Variants in SLC41A2 observed in about 807,000 individuals in gnomAD.
The protein encoded by SLC41A2 is solute carrier family 41 member 2, also known as SLC41A1-like 1.
In SLC41A2, 32 loss-of-function variants were observed where a neutral mutation model predicts 58.3. The observed-to-expected ratio is 0.55, with a 90% CI of 0.41 to 0.74. The LOEUF is 0.74. SLC41A2 is among the 30% of genes least tolerant of loss of function. The probability of loss-of-function intolerance (pLI) is 0.00; values close to 1 mark genes in which losing one functional copy is unlikely to be tolerated. For missense variants in SLC41A2, 514 were observed against 680.6 expected, an observed-to-expected ratio of 0.76 and a Z score of 2.72; for synonymous variants, 190 against 235.0, an observed-to-expected ratio of 0.81 and a Z score of 1.75.
chr12:104,922,136 T>C (rs1414886175), intron 2 of SLC41A2, among the ~76,000 whole-genome samples: 1 of 151,548 alleles, frequency 6.6e-6, no homozygotes, highest in African/African-American at 2.4e-5. Flanking sequence ...AGGCAGAAAA[T>C]AAGCAACAAA....
chr12:104,880,637 G>A (rs1040244197), intron 6 of SLC41A2, among the ~76,000 whole-genome samples: 1 of 152,160 alleles, frequency 6.6e-6, no homozygotes, highest in African/African-American at 2.4e-5. Context: ...TGCATATGTT[G>A]AACCAGCCTT....
intron 4 of SLC41A2, among the ~76,000 whole-genome samples, chr12:104,892,831 A>G (rs2045083131): frequency 6.6e-6 from 1 of 152,182 alleles, no homozygotes; most frequent in South Asian, 2.1e-4. Context: ...CCTATCTCTC[A>G]CCATCTACAA....
chr12:104,913,807 C>T (rs2046191277), intron 2 of SLC41A2, among the ~76,000 whole-genome samples: 1 of 152,180 alleles, frequency 6.6e-6, no homozygotes, highest in Admixed American at 6.5e-5. Flanking sequence ...GGCAGCGGCT[C>T]ACGCCTGTAA....
chr12:104,867,256 T>G (rs936236882), intron 6 of SLC41A2, among the ~76,000 whole-genome samples: 5 of 152,134 alleles, frequency 3.3e-5, no homozygotes, highest in South Asian at 2.1e-4. Context: ...AAAAGTTGCA[T>G]ATCCCTTACT....
intron 1 of SLC41A2, among the ~76,000 whole-genome samples, chr12:104,931,980 G>A (rs2047070167): frequency 6.6e-6 from 1 of 152,192 alleles, no homozygotes; most frequent in Admixed American, 6.5e-5. Context: ...TTTTGTGTGT[G>A]TGTGTTTTTA....
At chr12:104,843,347 G>A (rs1325967659) in intron 10 of SLC41A2, among the ~76,000 whole-genome samples, 1 of 151,734 alleles carries the variant, frequency 6.6e-6, no homozygotes, top group Non-Finnish European at 1.5e-5. Flanking sequence ...TTATTCGATA[G>A]GTGACTTTTA....
At chr12:104,834,076 T>C in intron 10 of SLC41A2, 2 of 985,384 alleles carry the variant, frequency 2.0e-6, no homozygotes, top group South Asian at 4.7e-5. Context: ...AAAGAGCTCT[T>C]TCCCAATGCC....
rs544329617 is a variant in SLC41A2, at chr12:104,932,624, C to CAAAAAAA, written c.-167-3937_-167-3931dup. Among the ~76,000 whole-genome samples the CAAAAAAA allele has an allele frequency of 2.9e-3, 134 of 46,016 alleles. 3 individuals carry two copies. The highest frequency in any genetic ancestry group is 0.011 in the African/African-American group (128 of 11,568). The allele number at this position is 46,016 out of a possible 152,430, so 30.2% of individuals were successfully genotyped here. The stretch of plus-strand genomic sequence containing the variant: ...TGGGTGACGCAGTGAGACTTTGTCT[C>CAAAAAAA]AAAAAAAAAAAAAAAAAAAAAAGAT... On this transcript the variant is annotated intron_variant, in intron 1 of 10. Transcript: ENST00000258538.
chr12:104,903,644 C>A (rs2045668190), intron 3 of SLC41A2, among the ~76,000 whole-genome samples: 1 of 152,214 alleles, frequency 6.6e-6, no homozygotes, highest in African/African-American at 2.4e-5. Context: ...AACAGTCCTG[C>A]CTCTGGCCCT....
chr12:104,862,862 G>C (rs1218268392), intron 7 of SLC41A2, among the ~76,000 whole-genome samples: 1 of 151,768 alleles, frequency 6.6e-6, no homozygotes, highest in East Asian at 1.9e-4. Context: ...ATTAACTTAT[G>C]CATTACTTCA....
chr12:104,806,917 T>C (rs1032543965), intron 10 of SLC41A2, among the ~76,000 whole-genome samples: 7 of 152,316 alleles, frequency 4.6e-5, no homozygotes, highest in Middle Eastern at 3.4e-3. Context: ...GGGTTGTTTG[T>C]TTTTTTCTTG....
At chr12:104,943,240 T>A (rs1485869381) in intron 1 of SLC41A2, among the ~76,000 whole-genome samples, 2 of 152,038 alleles carry the variant, frequency 1.3e-5, no homozygotes, top group African/African-American at 4.8e-5. Flanking sequence ...AACAAAATTA[T>A]CTTTTTAAGA....
intron 2 of SLC41A2, among the ~76,000 whole-genome samples, chr12:104,926,967 C>A (rs546005463): frequency 6.6e-6 from 1 of 151,948 alleles, no homozygotes; most frequent in African/African-American, 2.4e-5. Flanking sequence ...GCCTGTAGTA[C>A]CAGCCACTCA....
intron 1 of SLC41A2, among the ~76,000 whole-genome samples, chr12:104,949,711 G>C (rs192378294): frequency 1.3e-5 from 2 of 152,176 alleles, no homozygotes; most frequent in Non-Finnish European, 2.9e-5. Context: ...AGCCTCCTGA[G>C]TAGCTGGGAT....
At chr12:104,858,199 C>T (rs1036320753) in intron 8 of SLC41A2, among the ~76,000 whole-genome samples, 12 of 151,940 alleles carry the variant, frequency 7.9e-5, no homozygotes, top group Admixed American at 5.9e-4. Context: ...TTCTGAAAGA[C>T]ATTAATAAAT....
intron 10 of SLC41A2, among the ~76,000 whole-genome samples, chr12:104,809,582 TG>T: frequency 6.6e-6 from 1 of 152,182 alleles, no homozygotes. Flanking sequence ...TAGGACAATG[TG>T]TTTTGGGTAT....
At chr12:104,851,636 C>T (rs1592995069) in intron 8 of SLC41A2, among the ~76,000 whole-genome samples, 1 of 152,124 alleles carries the variant, frequency 6.6e-6, no homozygotes, top group African/African-American at 2.4e-5. Flanking sequence ...AATCCTCCTG[C>T]CTAGGCCTCC....
intron 10 of SLC41A2, among the ~76,000 whole-genome samples, chr12:104,825,781 T>C (rs1324478941): frequency 6.6e-6 from 1 of 152,060 alleles, no homozygotes. Context: ...ATAGGCACAA[T>C]GTAAATGGGC....
chr12:104,877,744 A>G (rs1349692834), intron 6 of SLC41A2, among the ~76,000 whole-genome samples: 2 of 152,192 alleles, frequency 1.3e-5, no homozygotes, highest in Non-Finnish European at 1.5e-5. Context: ...CACGCCTGTA[A>G]TCCTAGCACT....
Sources: allele counts gnomAD v4.1 joint callset (sites outside exome capture counted in the v4.1 genomes callset), GRCh38; gene constraint gnomAD v4.1.1; transcripts MANE v1.5; gene names NCBI Gene and HGNC (gene_info 2026-07-23, HGNC 2026-07-21).